Variants in ANK2 observed in about 807,000 individuals in gnomAD.
ANK2 encodes ankyrin-2.
A neutral mutation model predicts 360.5 loss-of-function variants in ANK2; 83 were observed. The observed-to-expected ratio is 0.23, with a 90% confidence interval of 0.19 to 0.28. ANK2 has a LOEUF of 0.28. Ranked by LOEUF, ANK2 falls within the 10% of genes least tolerant of loss-of-function variation. ANK2 has a pLI of 1.00. For missense variants in ANK2, 4,201 were observed against 4,795.7 expected (o/e 0.88, Z 3.66); for synonymous variants, 1,740 against 1,759.5 (o/e 0.99, Z 0.28).
chr4:113,209,638 CT>C (rs775780261), intron 4 of ANK2, among the ~76,000 whole-genome samples: 5 of 151,966 alleles, frequency 3.3e-5, no homozygotes, highest in Non-Finnish European at 5.9e-5. Context: ...CCTGACCTCC[CT>C]GATGGCTTGC....
intron 1 of ANK2, among the ~76,000 whole-genome samples, chr4:113,076,458 AT>A (rs1224444734): frequency 6.6e-6 from 1 of 152,216 alleles, no homozygotes; most frequent in Non-Finnish European, 1.5e-5. Flanking sequence ...AGGAGATGAT[AT>A]TAGAAAATGA....
intron 2 of ANK2, among the ~76,000 whole-genome samples, chr4:113,029,357 C>T (rs1181525858): frequency 6.6e-6 from 1 of 151,970 alleles, no homozygotes; most frequent in Non-Finnish European, 1.5e-5. Flanking sequence ...GCCTCAACCT[C>T]CTGAGTAGCT....
the ANK2 span, among the ~76,000 whole-genome samples, chr4:112,744,364 T>TTTTTTTTGG: frequency 6.6e-6 from 1 of 151,382 alleles, no homozygotes. Flanking sequence ...TTTTTTTTTT[T>TTTTTTTTGG]GAGATGGGGT....
At chr4:113,094,433 G>A (rs2090050929) in intron 1 of ANK2, among the ~76,000 whole-genome samples, 1 of 152,120 alleles carries the variant, frequency 6.6e-6, no homozygotes, top group African/African-American at 2.4e-5. Flanking sequence ...ATCTGAAGGG[G>A]ATATTTGATT....
At chr4:112,976,665 CTT>C (rs917998528) in intron 2 of ANK2, among the ~76,000 whole-genome samples, 3 of 142,878 alleles carry the variant, frequency 2.1e-5, no homozygotes, top group Non-Finnish European at 1.5e-5. Context: ...GCTGTATTTG[CTT>C]TTTTTTTTTT....
At chr4:112,787,952 A>G in the ANK2 span, 2 of 617,462 alleles carry the variant, frequency 3.2e-6, no homozygotes, top group African/African-American at 3.7e-5. Flanking sequence ...ATGTATGATC[A>G]TTATATGATC....
chr4:112,961,402 T>G (rs2034758075), intron 2 of ANK2, among the ~76,000 whole-genome samples: 1 of 152,154 alleles, frequency 6.6e-6, no homozygotes. Context: ...AGAGAACCTT[T>G]CTTTATTTCA....
rs376323883 is a variant in ANK2, at chr4:113,356,199, C to A, written c.7581C>A (p.Leu2527=). The A allele has an allele frequency of 2.5e-6, 4 of 1,613,888 alleles. No homozygotes were observed. The highest frequency in any genetic ancestry group is 3.3e-5 in the Admixed American group (2 of 59,982). Reference sequence around the variant, plus strand: ...ATGACAGTCTTGAGCAGACATCGCTCATGGAGAGCTCAGGGAAGAGCCCCC... The same window carrying A: ...ATGACAGTCTTGAGCAGACATCGCTAATGGAGAGCTCAGGGAAGAGCCCCC... ...AEDDSLEQTS[L]MESSGKSPLS... Residue 2527 remains leucine, a synonymous_variant, in exon 38 of 46, where the codon CTC becomes CTA. Coordinates refer to ENST00000357077, the MANE Select transcript of ANK2 (RefSeq NM_001148.6).
intron 1 of ANK2, among the ~76,000 whole-genome samples, chr4:112,893,619 T>G (rs1251995427): frequency 2.0e-5 from 3 of 152,214 alleles, no homozygotes; most frequent in Admixed American, 6.5e-5. Flanking sequence ...TTGTATACAT[T>G]CTCTATTCCA....
intron 1 of ANK2, among the ~76,000 whole-genome samples, chr4:113,050,327 A>G (rs544084753): frequency 6.6e-5 from 10 of 152,124 alleles, no homozygotes; most frequent in South Asian, 2.1e-4. Context: ...CCCCAGCATG[A>G]TATTTCTTTG....
intron 2 of ANK2, among the ~76,000 whole-genome samples, chr4:113,020,137 G>A (rs1029079801): frequency 6.6e-6 from 1 of 152,144 alleles, no homozygotes; most frequent in South Asian, 2.1e-4. Flanking sequence ...GTTTTTGAGA[G>A]TCAAAGAAGA....
At chr4:113,018,075 A>C (rs1352441099) in intron 2 of ANK2, among the ~76,000 whole-genome samples, 1 of 152,254 alleles carries the variant, frequency 6.6e-6, no homozygotes, top group African/African-American at 2.4e-5. Context: ...TTGAAAAATA[A>C]CAAGATGAAA....
chr4:113,012,532 G>T (rs1409721122), intron 2 of ANK2, among the ~76,000 whole-genome samples: 2 of 152,092 alleles, frequency 1.3e-5, no homozygotes, highest in African/African-American at 4.8e-5. Context: ...CCTTTCTATG[G>T]CTAGTGCCTG....
intron 2 of ANK2, among the ~76,000 whole-genome samples, chr4:112,939,740 C>G (rs763862503): frequency 2.0e-5 from 3 of 152,112 alleles, no homozygotes; most frequent in African/African-American, 4.8e-5. Flanking sequence ...TTCCAGCTAC[C>G]CAATGCCCTT....
At chr4:113,368,630 C>T in intron 42 of ANK2, among the ~76,000 whole-genome samples, 1 of 152,112 alleles carries the variant, frequency 6.6e-6, no homozygotes, top group East Asian at 1.9e-4. Flanking sequence ...ATCCCTAAAC[C>T]TGAAGTCTGA....
intron 1 of ANK2, among the ~76,000 whole-genome samples, chr4:113,157,860 A>G (rs1258802030): frequency 6.6e-6 from 1 of 152,228 alleles, no homozygotes; most frequent in Non-Finnish European, 1.5e-5. Context: ...CAGATGAATC[A>G]TTTAACCTTA....
chr4:113,286,571 A>G (rs1284502544), intron 18 of ANK2, among the ~76,000 whole-genome samples: 6 of 152,202 alleles, frequency 3.9e-5, no homozygotes, highest in African/African-American at 1.4e-4. Context: ...GTGCTAATGC[A>G]GGAGAGTGGG....
intron 26 of ANK2, 87 bp downstream of exon 26, chr4:113,318,707 G>C: frequency 6.9e-6 from 8 of 1,155,226 alleles, no homozygotes; most frequent in South Asian, 1.3e-5. Flanking sequence ...GCTTTAGCTG[G>C]TGGCTAGCTT....
chr4:113,336,473 TA>T, intron 30 of ANK2, 103 bp from the exon 31 acceptor site: 3 of 1,144,604 alleles, frequency 2.6e-6, no homozygotes, highest in Non-Finnish European at 3.7e-6. Context: ...ATTTGTAAGA[TA>T]AAAAATACTT....
Sources: gnomAD v4.1 joint callset for allele counts (sites outside exome capture counted in the v4.1 genomes callset) on GRCh38, gnomAD v4.1.1 for gene constraint, MANE v1.5 for transcripts, NCBI Gene and HGNC (gene_info 2026-07-23, HGNC 2026-07-21) for gene names.